ATP9B: variants seen among roughly 807,000 people sequenced by gnomAD.
ATP9B encodes the protein probable phospholipid-transporting ATPase IIB.
ATP9B carries 110 observed loss-of-function variants against 146.1 expected under a neutral mutation model. That is an observed-to-expected ratio of 0.75 (90% CI 0.65 to 0.88). The LOEUF (loss-of-function observed/expected upper bound fraction) is 0.88. Among genes scored for constraint, ATP9B ranks in the 40% least tolerant of loss-of-function variants. The probability of loss-of-function intolerance (pLI) is 0.00; values close to 1 mark genes in which losing one functional copy is unlikely to be tolerated. For missense variants in ATP9B, 1,499 were observed against 1,496.4 expected, an observed-to-expected ratio of 1.00 and a Z score of -0.03; for synonymous variants, 604 against 569.7, an observed-to-expected ratio of 1.06 and a Z score of -0.86.
At chr18:79,347,668 T>G (rs1389798947) in intron 23 of ATP9B, 102 bp from the exon 24 acceptor site, 6 of 1,333,046 alleles carry the variant, frequency 4.5e-6, no homozygotes, top group Non-Finnish European at 5.0e-6. Context: ...CAGAGAGAAT[T>G]TCGGTCTTTG....
intron 5 of ATP9B, 85 bp downstream of exon 5, chr18:79,126,460 T>TTG: frequency 1.1e-6 from 1 of 906,470 alleles, no homozygotes; most frequent in Non-Finnish European, 1.7e-6. Context: ...ATGAAAACAT[T>TTG]TTAATTCTAT....
chr18:79,166,355 G>C (rs2094964939), intron 7 of ATP9B, among the ~76,000 whole-genome samples: 1 of 152,152 alleles, frequency 6.6e-6, no homozygotes, highest in Non-Finnish European at 1.5e-5. Flanking sequence ...GAGCAAATGT[G>C]AAAGGACTCC....
At chr18:79,231,673 A>G (rs2148579855) in intron 11 of ATP9B, among the ~76,000 whole-genome samples, 1 of 152,138 alleles carries the variant, frequency 6.6e-6, no homozygotes, top group Non-Finnish European at 1.5e-5. Context: ...TGCAAAAAAG[A>G]CACTTGCACA....
chr18:79,180,423 T>C (rs2147990050), intron 8 of ATP9B, among the ~76,000 whole-genome samples: 1 of 152,348 alleles, frequency 6.6e-6, no homozygotes, highest in East Asian at 1.9e-4. Flanking sequence ...ACCGCAATAT[T>C]TCTCCATGTC....
At chr18:79,337,850 G>A (rs2096836256) in intron 19 of ATP9B, among the ~76,000 whole-genome samples, 1 of 152,222 alleles carries the variant, frequency 6.6e-6, no homozygotes, top group African/African-American at 2.4e-5. Context: ...TCCTGGGTTG[G>A]CCGGCACTCG....
chr18:79,163,907 G>C (rs1042888469), intron 7 of ATP9B, among the ~76,000 whole-genome samples: 21 of 104,042 alleles, frequency 2.0e-4, no homozygotes, highest in East Asian at 7.1e-4. Flanking sequence ...CACACACACA[G>C]GGGGAGACAG....
In ATP9B at chr18:79,091,263, T is replaced by C. The variant is rs550464200; in HGVS notation, c.120-5213T>C. Among the ~76,000 whole-genome samples, 28 of 152,298 alleles carry C rather than the reference T, an allele frequency of 1.8e-4. 1 individual carries two copies. In the South Asian group the frequency reaches 5.6e-3, roughly 30 times the overall value. ...TTGCTTAGGATAGCTGTAACTATTC[T>C]GGGTCTTTTGTAGTTTCATATAAAT... On this transcript the variant is annotated intron_variant, in intron 1 of 29. Transcript: ENST00000426216.
At chr18:79,187,974 C>T (rs2095324486) in intron 8 of ATP9B, among the ~76,000 whole-genome samples, 1 of 152,050 alleles carries the variant, frequency 6.6e-6, no homozygotes, top group Non-Finnish European at 1.5e-5. Flanking sequence ...TACAACTCTC[C>T]AGTCCCTTTA....
intron 7 of ATP9B, among the ~76,000 whole-genome samples, chr18:79,167,430 T>A (rs1359404383): frequency 1.3e-5 from 2 of 151,812 alleles, no homozygotes; most frequent in East Asian, 3.9e-4. Context: ...AGACCCGGAG[T>A]AGGTAGCTCC....
intron 12 of ATP9B, 34 bp downstream of exon 12, chr18:79,253,575 G>T: frequency 6.5e-7 from 1 of 1,530,296 alleles, no homozygotes; most frequent in Non-Finnish European, 8.8e-7. Flanking sequence ...ACAAATGTCT[G>T]GTTTCATTGA....
intron 7 of ATP9B, among the ~76,000 whole-genome samples, chr18:79,157,076 T>G (rs1411681573): frequency 6.6e-6 from 1 of 152,102 alleles, no homozygotes; most frequent in East Asian, 1.9e-4. Context: ...AAAGGATGTA[T>G]TGGACTGGGC....
At chr18:79,334,450 T>TA (rs1196057658) in intron 17 of ATP9B, among the ~76,000 whole-genome samples, 1 of 152,142 alleles carries the variant, frequency 6.6e-6, no homozygotes, top group Non-Finnish European at 1.5e-5. Flanking sequence ...ATGTACTTTT[T>TA]ATAGAACACA....
At chr18:79,335,556 A>G (rs2096819627) in intron 17 of ATP9B, among the ~76,000 whole-genome samples, 1 of 152,212 alleles carries the variant, frequency 6.6e-6, no homozygotes, top group East Asian at 1.9e-4. Flanking sequence ...TAACACGCAC[A>G]TCAGGCCCCG....
At chr18:79,151,524 A>G (rs2094688887) in intron 6 of ATP9B, among the ~76,000 whole-genome samples, 1 of 152,170 alleles carries the variant, frequency 6.6e-6, no homozygotes, top group Non-Finnish European at 1.5e-5. Flanking sequence ...CTTGGTGCAT[A>G]CATCCACACA....
intron 8 of ATP9B, among the ~76,000 whole-genome samples, chr18:79,190,731 A>C (rs1304993857): frequency 6.6e-6 from 1 of 152,076 alleles, no homozygotes; most frequent in Non-Finnish European, 1.5e-5. Context: ...TTTTTAGTAG[A>C]GACGGAGTTT....
chr18:79,194,345 T>TG (rs1208434642), intron 9 of ATP9B: 1 of 152,248 alleles, frequency 6.6e-6, no homozygotes, highest in Admixed American at 6.5e-5. Flanking sequence ...TTCCTTTTCT[T>TG]GCTGTTTCCT....
At position 79,156,902 on chromosome 18, in the gene ATP9B, G is replaced by A. The variant is rs114514750; in HGVS notation, c.778+2347G>A. ...ATTGCTTCACAGCACAGACTGCTGCGTGGGAGAAGTCTGCAGGCCCTCCAG... is the reference window on the plus strand; with the variant it reads ...ATTGCTTCACAGCACAGACTGCTGCATGGGAGAAGTCTGCAGGCCCTCCAG... On this transcript the variant is annotated intron_variant, in intron 7 of 29. Coordinates refer to ENST00000426216, the MANE Select transcript of ATP9B (RefSeq NM_198531.5). Among the ~76,000 whole-genome samples the A allele has an allele frequency of 3.7e-3, 570 of 152,252 alleles. 3 individuals are homozygous for A. Among genetic ancestry groups the A allele is most frequent in the South Asian group, 0.024 (116 of 4,816 alleles).
chr18:79,156,224 G>T (rs1368433342), intron 7 of ATP9B, among the ~76,000 whole-genome samples: 1 of 152,152 alleles, frequency 6.6e-6, no homozygotes, highest in African/African-American at 2.4e-5. Context: ...TTTCCCAACT[G>T]TGGCAGGGAC....
At position 79,253,561 on chromosome 18, in the gene ATP9B, TAAAAC is replaced by T; in HGVS notation, c.1268+24_1268+28del. On this transcript the variant is annotated intron_variant, in intron 12 of 29. Transcript: ENST00000426216. ...CATAAGGTAAGTTTAAAAATGAAAA[TAAAAC>T]AAATGTCTGGTTTCATTGAGTATGA... is the stretch of plus-strand genomic sequence containing the variant. 1 of 1,558,434 alleles carries T rather than the reference TAAAAC, an allele frequency of 6.4e-7. No homozygotes were observed.
Sources: gnomAD v4.1 joint callset for allele counts (sites outside exome capture counted in the v4.1 genomes callset) on GRCh38, gnomAD v4.1.1 for gene constraint, MANE v1.5 for transcripts, NCBI Gene and HGNC (gene_info 2026-07-23, HGNC 2026-07-21) for gene names.